Variants in CASZ1 observed in about 807,000 individuals in gnomAD.
CASZ1 encodes the protein zinc finger protein castor homolog 1.
Under a neutral mutation model 135.2 loss-of-function variants are expected in CASZ1, and 28 were observed. That is an observed-to-expected ratio of 0.21 (90% CI 0.15 to 0.28). The LOEUF (loss-of-function observed/expected upper bound fraction) is 0.28. CASZ1 is among the 10% of genes least tolerant of loss of function. CASZ1 has a pLI of 1.00. For missense variants in CASZ1, 2,161 were observed against 2,453.3 expected (o/e 0.88, Z 2.52); for synonymous variants, 1,068 against 1,073.4 (o/e 0.99, Z 0.10).
rs74753459 is a variant in CASZ1 at position 10,700,806 on chromosome 1, A to T, written c.-24+4686T>A. ...CAGGGTTTCTTCCTGGGGGAATGAA[A>T]ATGTTCTAAAATTAGATAGTGGTGA... On this transcript the variant is annotated intron_variant, in intron 3 of 20. Transcript: ENST00000377022. The surrounding 1 kb of genome is among the most constrained non-coding windows in gnomAD (Gnocchi z 4.2). Among the ~76,000 whole-genome samples the T allele has an allele frequency of 3.9e-4, 60 of 152,326 alleles. No individual in the cohort carries two copies. The East Asian group carries it at 9.8e-3, about 25-fold the overall frequency.
intron 1 of CASZ1, among the ~76,000 whole-genome samples, chr1:10,789,933 G>C (rs967680260): frequency 2.0e-5 from 3 of 152,108 alleles, no homozygotes; most frequent in African/African-American, 4.8e-5. Context: ...TTTTCCCCAA[G>C]CTGTGGCCTC....
rs1390727997 is a variant in CASZ1 at position 10,741,955 on chromosome 1, C to T, written c.-77+18746G>A. ...CTGAGACCTAATGTGCCTAACCCAG[C>T]AAGCGCCGAGACACGGACCCCTCAC... On this transcript the variant is annotated intron_variant, in intron 2 of 20. Transcript: ENST00000377022. The surrounding 1 kb of genome is among the most constrained non-coding windows in gnomAD (Gnocchi z 5.0). Among the ~76,000 whole-genome samples the T allele has an allele frequency of 6.6e-6, 1 of 152,082 alleles. No individual in the cohort carries two copies. The highest frequency in any genetic ancestry group is 1.5e-5 in the Non-Finnish European group (1 of 68,014).
chr1:10,769,786 G>A (rs530633612), intron 1 of CASZ1, among the ~76,000 whole-genome samples: 8 of 152,292 alleles, frequency 5.3e-5, no homozygotes, highest in Non-Finnish European at 1.2e-4. Flanking sequence ...CAAAGTGCTG[G>A]GATTACAGGA....
At position 10,709,240 on chromosome 1, in the gene CASZ1, G is replaced by A. The variant is rs1639235802; in HGVS notation, c.-76-3696C>T. On this transcript the variant is annotated intron_variant, in intron 2 of 20. Transcript: ENST00000377022. This position sits in a 1 kb window ranked among gnomAD's most constrained non-coding sequence, Gnocchi z 5.1. ...CTCCCCAGGCCTCCCGGGGCCATGG[G>A]GGCTCGGGGCAGCTGTCGGGCTGCC... is the stretch of plus-strand genomic sequence containing the variant. 2.0e-5 allele frequency among the ~76,000 whole-genome samples: 3 copies of A among 152,306 alleles called. No homozygotes were observed. Among genetic ancestry groups the A allele is most frequent in the Admixed American group, 1.3e-4 (2 of 15,308 alleles).
intron 4 of CASZ1, among the ~76,000 whole-genome samples, chr1:10,671,775 A>G (rs1407793545): frequency 1.3e-5 from 2 of 152,140 alleles, no homozygotes; most frequent in East Asian, 3.9e-4. Flanking sequence ...AGGCTGGCAC[A>G]CCCCAGATGC....
intron 4 of CASZ1, among the ~76,000 whole-genome samples, chr1:10,682,384 T>C (rs1615777): frequency 6.7e-6 from 1 of 148,842 alleles, no homozygotes; most frequent in Non-Finnish European, 1.5e-5. Flanking sequence ...GAGGGAGGAG[T>C]GTCTGTGGAT....
At chr1:10,658,674 C>T (rs554143304) in intron 6 of CASZ1, 98 bp from the exon 7 acceptor site, 1 of 1,027,270 alleles carries the variant, frequency 9.7e-7, no homozygotes, top group Admixed American at 1.7e-5. Flanking sequence ...GGCCCCAGCC[C>T]CTCTGCTCTG....
chr1:10,735,982 CAG>C lies in CASZ1; in HGVS notation c.-77+24717_-77+24718del, dbSNP rs922245298. Among the ~76,000 whole-genome samples, 1 of 152,158 alleles carries C rather than the reference CAG, an allele frequency of 6.6e-6. No homozygotes were observed. Among genetic ancestry groups the C allele is most frequent in the Non-Finnish European group, 1.5e-5 (1 of 68,018 alleles). On this transcript the variant is annotated intron_variant, in intron 2 of 20. Transcript: ENST00000377022. The surrounding 1 kb of genome is among the most constrained non-coding windows in gnomAD (Gnocchi z 5.1). ...GCAGGGCAGTTTGACCTCCTTAAGA[CAG>C]GGGGAGAATGCAGAGCATTAAAGGC...
chr1:10,680,694 C>T (rs994802422), intron 4 of CASZ1, among the ~76,000 whole-genome samples: 1 of 152,134 alleles, frequency 6.6e-6, no homozygotes, highest in Non-Finnish European at 1.5e-5. Flanking sequence ...GGCAGACGGA[C>T]TTGCTGCTGA....
At chr1:10,691,544 G>T (rs1404556376) in intron 4 of CASZ1, among the ~76,000 whole-genome samples, 5 of 152,268 alleles carry the variant, frequency 3.3e-5, no homozygotes, top group Non-Finnish European at 1.5e-5. Flanking sequence ...CCCTGGCCTT[G>T]GACTATGTCA....
intron 1 of CASZ1, among the ~76,000 whole-genome samples, chr1:10,771,767 C>A (rs546290383): frequency 3.3e-4 from 50 of 152,178 alleles, no homozygotes; most frequent in African/African-American, 1.1e-3. Context: ...TTGATCTTTG[C>A]CAAACACATA....
At chr1:10,702,370 C>T (rs959569185) in intron 3 of CASZ1, among the ~76,000 whole-genome samples, 1 of 152,194 alleles carries the variant, frequency 6.6e-6, no homozygotes, top group African/African-American at 2.4e-5. Context: ...TCAGACCCCT[C>T]CTCTCATCCA....
In CASZ1 at chr1:10,706,986, A is replaced by C. The variant is rs980441651; in HGVS notation, c.-76-1442T>G. On this transcript the variant is annotated intron_variant, in intron 2 of 20. Coordinates refer to ENST00000377022, the MANE Select transcript of CASZ1 (RefSeq NM_001079843.3). This position sits in a 1 kb window ranked among gnomAD's most constrained non-coding sequence, Gnocchi z 4.3. ...AGGATGGAGGAGGAGGCCGGCAGGG[A>C]GGGTCACAGGGTCCGGGGATGGAGA... Among the ~76,000 whole-genome samples, 3 of 151,918 alleles carry C rather than the reference A, an allele frequency of 2.0e-5. No individual in the cohort carries two copies. The highest frequency in any genetic ancestry group is 1.3e-4 in the Admixed American group (2 of 15,272).
At position 10,776,409 on chromosome 1, in the gene CASZ1, C is replaced by A. The variant is rs991764898; in HGVS notation, c.-233-15552G>T. 1.3e-5 allele frequency among the ~76,000 whole-genome samples: 2 copies of A among 152,232 alleles called. No homozygotes were observed. The highest frequency in any genetic ancestry group is 1.9e-4 in the East Asian group (1 of 5,198). On this transcript the variant is annotated intron_variant, in intron 1 of 20. Coordinates refer to ENST00000377022, the MANE Select transcript of CASZ1 (RefSeq NM_001079843.3). This position sits in a 1 kb window ranked among gnomAD's most constrained non-coding sequence, Gnocchi z 4.1. The stretch of plus-strand genomic sequence containing the variant: ...GATGGCGCTCACCCCGGGCATGGAG[C>A]CTGCCCCTTTCTCCACAGCTGCCTC...
rs992892803 is a variant in CASZ1 at position 10,666,886 on chromosome 1, G to A, written c.17-1315C>T. 6.6e-5 allele frequency among the ~76,000 whole-genome samples: 10 copies of A among 152,254 alleles called. No homozygotes were observed. Among genetic ancestry groups the A allele is most frequent in the Admixed American group, 5.2e-4 (8 of 15,288 alleles). ...GAGCTCCTTCTGTGGGCCAGACCCT[G>A]TGGTGGGGCTTGGGGACAGCGCAGT... On this transcript the variant is annotated intron_variant, in intron 4 of 20. Coordinates refer to ENST00000377022, the MANE Select transcript of CASZ1 (RefSeq NM_001079843.3). This position sits in a 1 kb window ranked among gnomAD's most constrained non-coding sequence, Gnocchi z 5.2.
rs1299972257 is a variant in CASZ1, at chr1:10,719,720, G to A, written c.-76-14176C>T. ...TGGGTCCCAGAGCCTGGCACAGTGAGAGAAGAGGCAGCAGGGTATGGGAAT... is the reference window on the plus strand; with the variant it reads ...TGGGTCCCAGAGCCTGGCACAGTGAAAGAAGAGGCAGCAGGGTATGGGAAT... On this transcript the variant is annotated intron_variant, in intron 2 of 20. Coordinates refer to ENST00000377022, the MANE Select transcript of CASZ1 (RefSeq NM_001079843.3). The surrounding 1 kb of genome is among the most constrained non-coding windows in gnomAD (Gnocchi z 4.0). 6.6e-6 allele frequency among the ~76,000 whole-genome samples: 1 copy of A among 152,228 alleles called. No individual in the cohort carries two copies. Among genetic ancestry groups the A allele is most frequent in the East Asian group, 1.9e-4 (1 of 5,190 alleles).
chr1:10,768,694 C>A (rs77821595), intron 1 of CASZ1, among the ~76,000 whole-genome samples: 277 of 152,186 alleles, frequency 1.8e-3, no homozygotes, highest in Non-Finnish European at 3.4e-3. Flanking sequence ...CCTGGCATCA[C>A]CACTGAGAGC....
intron 13 of CASZ1, 67 bp from the exon 14 acceptor site, chr1:10,649,504 G>A: frequency 2.0e-6 from 3 of 1,513,458 alleles, no homozygotes; most frequent in South Asian, 1.3e-5. Context: ...AGCCTGGGGA[G>A]CAACAGCCGA....
chr1:10,757,223 T>A lies in CASZ1; in HGVS notation c.-77+3478A>T, dbSNP rs1458706542. Among the ~76,000 whole-genome samples the A allele has an allele frequency of 6.6e-6, 1 of 152,152 alleles. No homozygotes were observed. The highest frequency in any genetic ancestry group is 2.4e-5 in the African/African-American group (1 of 41,404). ...ATGGGTCTTTCTTGGTACTGCTGTG[T>A]TCAGGGGGCAGGAGAGAGAGGAGAA... On this transcript the variant is annotated intron_variant, in intron 2 of 20. Transcript: ENST00000377022. The surrounding 1 kb of genome is among the most constrained non-coding windows in gnomAD (Gnocchi z 4.6).
Sources: allele counts gnomAD v4.1 joint callset (sites outside exome capture counted in the v4.1 genomes callset), GRCh38; gene constraint gnomAD v4.1.1; non-coding constraint Gnocchi (gnomAD v3.1); transcripts MANE v1.5; gene names NCBI Gene and HGNC (gene_info 2026-07-23, HGNC 2026-07-21).